FGD4: variants seen among roughly 807,000 people sequenced by gnomAD.
FGD4 encodes FYVE, RhoGEF and PH domain containing 4, also known as FYVE, RhoGEF and PH domain-containing protein 4.
A neutral mutation model predicts 102.0 loss-of-function variants in FGD4; 42 were observed. The observed-to-expected ratio is 0.41, with a 90% CI of 0.32 to 0.53. The LOEUF is 0.53. Among genes scored for constraint, FGD4 ranks in the 20% least tolerant of loss-of-function variants. The pLI, the probability that FGD4 is intolerant of heterozygous loss-of-function variation, is 0.21. For synonymous variants in FGD4, 380 were observed against 375.7 expected (o/e 1.01, Z -0.13); for missense variants, 902 against 1,078.2 (o/e 0.84, Z 2.29).
chr12:32,619,525 G>A (rs1234304850), intron 10 of FGD4, among the ~76,000 whole-genome samples, 173 bp from the exon 11 acceptor site: 3 of 151,890 alleles, frequency 2.0e-5, no homozygotes, highest in Non-Finnish European at 2.9e-5. Flanking sequence ...CCAGCTACCC[G>A]GGAGGCTGAG....
In FGD4 at chr12:32,528,888, C is replaced by A. The variant is rs74072613; in HGVS notation, c.167-35249C>A. On this transcript the variant is annotated intron_variant, in intron 1 of 16. Transcript: ENST00000534526. ...TTTGGATTTGGAGGCCAGCTGTACT[C>A]TGTGTGTGTGTGACTATAAGTGAAC... Among the ~76,000 whole-genome samples, 14 of 151,894 alleles carry A rather than the reference C, an allele frequency of 9.2e-5. 1 individual carries two copies. Among genetic ancestry groups the A allele is most frequent in the Non-Finnish European group, 1.9e-4 (13 of 67,962 alleles).
At chr12:32,605,137 C>T (rs1180571433) in intron 7 of FGD4, among the ~76,000 whole-genome samples, 2 of 151,546 alleles carry the variant, frequency 1.3e-5, no homozygotes, top group East Asian at 3.9e-4. Context: ...CGGGGTTTCG[C>T]CATGTTGGCC....
chr12:32,485,207 C>T (rs1400766979), intron 1 of FGD4, among the ~76,000 whole-genome samples: 1 of 152,114 alleles, frequency 6.6e-6, no homozygotes, highest in Non-Finnish European at 1.5e-5. Context: ...AGAAATTTGC[C>T]TATCAATCAG....
intron 1 of FGD4, among the ~76,000 whole-genome samples, chr12:32,406,004 C>T (rs1034240545): frequency 5.9e-5 from 9 of 151,770 alleles, no homozygotes; most frequent in African/African-American, 2.2e-4. Context: ...AGTGTAATGG[C>T]GCGATCTTGA....
Position 32,611,334 on chromosome 12 carries a change from G to A in FGD4, c.1749+51G>A, listed in dbSNP as rs756506560. 2.5e-6 allele frequency: 4 copies of A among 1,605,956 alleles called. No individual in the cohort carries two copies. The South Asian group carries it at 4.4e-5, about 18-fold the overall frequency. Reference sequence around the variant, plus strand: ...ATATAAGAATTATATATAAAAATATGGCTGGGCACGGTGGCTCATGCCTGT... The same window carrying A: ...ATATAAGAATTATATATAAAAATATAGCTGGGCACGGTGGCTCATGCCTGT... On this transcript the variant is annotated intron_variant, in intron 10 of 16. Transcript: ENST00000534526.
chr12:32,456,987 A>G (rs556544888), intron 1 of FGD4, among the ~76,000 whole-genome samples: 55 of 152,162 alleles, frequency 3.6e-4, no homozygotes, highest in Non-Finnish European at 6.9e-4. Context: ...ACAGGATGAT[A>G]TTTGGGACAA....
intron 4 of FGD4, among the ~76,000 whole-genome samples, chr12:32,587,739 T>C (rs1214352569): frequency 6.6e-6 from 1 of 152,116 alleles, no homozygotes; most frequent in African/African-American, 2.4e-5. Context: ...CATGTTGAAA[T>C]CATTGAGATG....
intron 2 of FGD4, among the ~76,000 whole-genome samples, chr12:32,572,100 A>G (rs998523517): frequency 6.6e-6 from 1 of 152,180 alleles, no homozygotes; most frequent in Admixed American, 6.5e-5. Context: ...ACACACACAC[A>G]TACATACACA....
intron 1 of FGD4, among the ~76,000 whole-genome samples, chr12:32,530,501 T>C (rs1941689298): frequency 6.6e-6 from 1 of 152,128 alleles, no homozygotes; most frequent in Non-Finnish European, 1.5e-5. Flanking sequence ...ATCACGTGAA[T>C]GTTTGGCAGA....
intron 1 of FGD4, chr12:32,485,952 A>G: frequency 2.3e-6 from 3 of 1,283,560 alleles, no homozygotes; most frequent in Non-Finnish European, 2.0e-6. Context: ...CTTATGAAAC[A>G]GAACTCTGTA....
intron 1 of FGD4, among the ~76,000 whole-genome samples, chr12:32,426,142 A>G (rs1005688735): frequency 7.9e-5 from 12 of 152,172 alleles, no homozygotes; most frequent in Non-Finnish European, 1.8e-4. Flanking sequence ...GTGTTGTGCC[A>G]GTTTTCAAAG....
chr12:32,481,127 C>CATAAAA (rs1943750207), intron 1 of FGD4, among the ~76,000 whole-genome samples: 1 of 27,354 alleles, frequency 3.7e-5, no homozygotes, highest in Non-Finnish European at 5.6e-5. Flanking sequence ...GACTCCGTCT[C>CATAAAA]AAAAAAAAAA....
rs533759563 is a variant in FGD4, at chr12:32,480,524, C to T, written c.166+80565C>T. On this transcript the variant is annotated intron_variant, in intron 1 of 16. Transcript: ENST00000534526. ...CTTTGTTTTTTTCGTTTTTTTGAGA[C>T]GGAGTCTTACTCTGTCACCAGGCTG... Among the ~76,000 whole-genome samples, 41 of 150,706 alleles carry T rather than the reference C, an allele frequency of 2.7e-4. No homozygotes were observed. The East Asian group carries it at 6.7e-3, about 25-fold the overall frequency.
intron 1 of FGD4, among the ~76,000 whole-genome samples, chr12:32,481,743 C>T (rs1441983081): frequency 6.6e-6 from 1 of 151,528 alleles, no homozygotes; most frequent in East Asian, 1.9e-4. Flanking sequence ...ATCTCTTGAA[C>T]CTGGGAGGCA....
intron 1 of FGD4, among the ~76,000 whole-genome samples, chr12:32,430,412 C>G (rs1204671144): frequency 6.6e-6 from 1 of 152,104 alleles, no homozygotes; most frequent in East Asian, 1.9e-4. Context: ...TTGATTAACT[C>G]AAATCCTCTA....
intron 2 of FGD4, among the ~76,000 whole-genome samples, chr12:32,570,779 C>T (rs1232189159): frequency 1.3e-5 from 2 of 151,972 alleles, no homozygotes; most frequent in African/African-American, 4.8e-5. Flanking sequence ...CCTTATAATA[C>T]AAAATAATAC....
intron 4 of FGD4, among the ~76,000 whole-genome samples, chr12:32,587,066 C>T (rs1476323583): frequency 6.6e-6 from 1 of 151,792 alleles, no homozygotes; most frequent in Non-Finnish European, 1.5e-5. Context: ...TAGCAAGCAC[C>T]TGTAGTCCCA....
chr12:32,452,930 A>G lies in FGD4; in HGVS notation c.166+52971A>G, dbSNP rs569148401. 5.3e-3 allele frequency among the ~76,000 whole-genome samples: 798 copies of G among 151,960 alleles called. 8 individuals are homozygous for G. Among genetic ancestry groups the G allele is most frequent in the African/African-American group, 0.018 (760 of 41,444 alleles). ...TTGAGCCTAGCAGGTCGAGGGTGCA[A>G]TGAGCAGTGATTGTGCCACTGCACT... On this transcript the variant is annotated intron_variant, in intron 1 of 16. Transcript: ENST00000534526.
At chr12:32,414,889 A>G (rs905852562) in intron 1 of FGD4, among the ~76,000 whole-genome samples, 1 of 151,724 alleles carries the variant, frequency 6.6e-6, no homozygotes, top group African/African-American at 2.4e-5. Flanking sequence ...ATTTATTTGA[A>G]GTTTTTCTTC....
Sources: allele counts gnomAD v4.1 joint callset (sites outside exome capture counted in the v4.1 genomes callset), GRCh38; gene constraint gnomAD v4.1.1; transcripts MANE v1.5; gene names NCBI Gene and HGNC (gene_info 2026-07-23, HGNC 2026-07-21).